The following TMEM268 variants were observed in gnomAD, a reference collection of about 807,000 sequenced individuals.
TMEM268 encodes the protein transmembrane protein 268, also known as transmembrane protein C9orf91.
Under a neutral mutation model 39.1 loss-of-function variants are expected in TMEM268, and 24 were observed. The ratio of observed to expected loss-of-function variants is 0.61; its 90% CI spans 0.44 to 0.86. TMEM268 has a LOEUF of 0.86. TMEM268 is among the 40% of genes least tolerant of loss of function. TMEM268 has a pLI of 0.00. For missense variants in TMEM268, 409 were observed against 428.6 expected (o/e 0.95, Z 0.40); for synonymous variants, 176 against 173.5 (o/e 1.01, Z -0.12).
intron 2 of TMEM268, 80 bp from the exon 3 acceptor site, chr9:114,624,270 A>G: frequency 1.3e-6 from 2 of 1,535,180 alleles, no homozygotes; most frequent in Non-Finnish European, 1.8e-6. Context: ...CAGAGGTGTG[A>G]TGCCGCCAGG....
chr9:114,606,302 T>C (rs1350002553), upstream of TMEM268, among the ~76,000 whole-genome samples: 2 of 152,180 alleles, frequency 1.3e-5, no homozygotes. Flanking sequence ...GATTTTTTCT[T>C]CTGACTTAGG....
intron 7 of TMEM268, 103 bp from the exon 8 acceptor site, chr9:114,638,441 G>A: frequency 1.2e-6 from 1 of 806,414 alleles, no homozygotes; most frequent in South Asian, 2.3e-5. Flanking sequence ...ATCTGAGTCT[G>A]AGACCTCATC....
chr9:114,614,101 A>G (rs1845610301), intron 1 of TMEM268, among the ~76,000 whole-genome samples: 1 of 152,212 alleles, frequency 6.6e-6, no homozygotes, highest in African/African-American at 2.4e-5. Flanking sequence ...AGATGAGAAC[A>G]GCAAGGTTCG....
In TMEM268 at chr9:114,628,216, C is replaced by T. The variant is rs767474362; in HGVS notation, c.440C>T (p.Thr147Ile). Residue 147 changes from threonine to isoleucine, a missense_variant, in exon 5 of 9, where the codon ACT becomes ATT. By Grantham distance (89) the Thr-to-Ile change is moderately conservative. Coordinates refer to ENST00000288502, the MANE Select transcript of TMEM268 (RefSeq NM_153045.4). Reference sequence around the variant, plus strand: ...CTGGCCGCGGTGAGCCTGACCTTGACTCTTGTGCTGGTCTTTGAAAGACAC... The same window carrying T: ...CTGGCCGCGGTGAGCCTGACCTTGATTCTTGTGCTGGTCTTTGAAAGACAC... ...VTLAAVSLTL[T>I]LVLVFERHQK... 4 of 1,614,200 alleles carry T rather than the reference C, an allele frequency of 2.5e-6. No individual in the cohort carries two copies. The highest frequency in any genetic ancestry group is 3.4e-6 in the Non-Finnish European group (4 of 1,180,034).
chr9:114,639,243 C>T (rs1210374486), intron 8 of TMEM268, among the ~76,000 whole-genome samples: 1 of 152,076 alleles, frequency 6.6e-6, no homozygotes, highest in East Asian at 1.9e-4. Context: ...TCAAGCAATC[C>T]TCCCACCTTA....
intron 5 of TMEM268, among the ~76,000 whole-genome samples, chr9:114,629,698 C>A (rs1846308178): frequency 6.6e-6 from 1 of 152,210 alleles, no homozygotes; most frequent in Admixed American, 6.5e-5. Context: ...GTTCCTCCAT[C>A]CCCCGATCCC....
chr9:114,618,321 GCCTGT>G (rs2133606162), intron 2 of TMEM268, among the ~76,000 whole-genome samples: 1 of 152,184 alleles, frequency 6.6e-6, no homozygotes, highest in East Asian at 1.9e-4. Flanking sequence ...ATTCCCTTCT[GCCTGT>G]TGTGCTTTTC....
chr9:114,609,312 AAAAC>A (rs200839078), upstream of TMEM268, among the ~76,000 whole-genome samples: 18,126 of 149,916 alleles, frequency 0.12, 1,227 homozygotes, highest in African/African-American at 0.18. Flanking sequence ...CCCCATCTCA[AAAAC>A]AAACAAACAA....
At chr9:114,621,831 C>T (rs1312344705) in intron 2 of TMEM268, among the ~76,000 whole-genome samples, 2 of 152,090 alleles carry the variant, frequency 1.3e-5, no homozygotes, top group Non-Finnish European at 2.9e-5. Context: ...CTGAGGGGCT[C>T]AAGCTGAGTC....
chr9:114,640,698 G>T (rs1054363016), intron 8 of TMEM268, among the ~76,000 whole-genome samples: 1 of 152,076 alleles, frequency 6.6e-6, no homozygotes, highest in Non-Finnish European at 1.5e-5. Context: ...GTTAGTGAGT[G>T]GTAAACTATT....
intron 3 of TMEM268, among the ~76,000 whole-genome samples, chr9:114,626,568 C>T (rs1564291048): frequency 6.6e-6 from 1 of 152,326 alleles, no homozygotes; most frequent in South Asian, 2.1e-4. Context: ...GGGTTACTTG[C>T]TCCAGGTCAC....
chr9:114,620,085 C>T (rs940698327), intron 2 of TMEM268, among the ~76,000 whole-genome samples: 3 of 151,990 alleles, frequency 2.0e-5, no homozygotes, highest in African/African-American at 7.2e-5. Flanking sequence ...TGTGGTGGCG[C>T]ACACCTGTAA....
intron 7 of TMEM268, among the ~76,000 whole-genome samples, chr9:114,637,485 G>A (rs903806602): frequency 6.6e-6 from 1 of 151,748 alleles, no homozygotes; most frequent in Admixed American, 6.6e-5. Flanking sequence ...GTAGAGACGG[G>A]GTTTCACCAT....
Position 114,633,881 on chromosome 9 carries a change from GC to G in TMEM268, c.585+4del. The G allele has an allele frequency of 6.4e-7, 1 of 1,558,594 alleles. No homozygotes were observed. The highest frequency in any genetic ancestry group is 1.2e-5 in the South Asian group (1 of 85,168). On this transcript the variant is annotated splice_donor_region_variant and intron_variant, in intron 6 of 8. Transcript: ENST00000288502. ...AAGGATGCCAGAGTGTGATTCAGGT[GC>G]TGTGTCTCATAGTTACCTCTTCCTG...
chr9:114,632,699 TCAGCTCAAA>T (rs1455140104), intron 5 of TMEM268, among the ~76,000 whole-genome samples: 1 of 152,178 alleles, frequency 6.6e-6, no homozygotes, highest in African/African-American at 2.4e-5. Context: ...ATTTGATGTG[TCAGCTCAAA>T]CAGATCAAAC....
the TMEM268 span, among the ~76,000 whole-genome samples, chr9:114,605,643 G>A: frequency 4.6e-5 from 7 of 152,206 alleles, no homozygotes; most frequent in African/African-American, 1.4e-4. Flanking sequence ...ACTTACGGCC[G>A]GGTGCAGTGG....
At chr9:114,629,248 T>G (rs1320784222) in intron 5 of TMEM268, among the ~76,000 whole-genome samples, 1 of 152,264 alleles carries the variant, frequency 6.6e-6, no homozygotes, top group African/African-American at 2.4e-5. Flanking sequence ...AGGTTAGATA[T>G]TTGACATAGG....
upstream of TMEM268, among the ~76,000 whole-genome samples, chr9:114,609,816 GAAAC>G (rs1182857252): frequency 5.5e-5 from 8 of 146,282 alleles, no homozygotes; most frequent in Non-Finnish European, 7.5e-5. Flanking sequence ...GAAAGAAAAA[GAAAC>G]AAAGAAAGAA....
At chr9:114,635,940 AG>A (rs1417361967) in intron 6 of TMEM268, among the ~76,000 whole-genome samples, 1 of 152,168 alleles carries the variant, frequency 6.6e-6, no homozygotes, top group Non-Finnish European at 1.5e-5. Flanking sequence ...CATAGTAAAA[AG>A]CTTTAAAGGA....
Sources: gnomAD v4.1 joint callset for allele counts (sites outside exome capture counted in the v4.1 genomes callset) on GRCh38, gnomAD v4.1.1 for gene constraint, MANE v1.5 for transcripts, NCBI Gene and HGNC (gene_info 2026-07-23, HGNC 2026-07-21) for gene names.